Variants in HEMK2 observed in about 807,000 individuals in gnomAD.
The protein encoded by HEMK2 is methyltransferase HEMK2.
At chr21:28,642,795 T>A in the HEMK2 span, among the ~76,000 whole-genome samples, 1 of 152,320 alleles carries the variant, frequency 6.6e-6, no homozygotes, top group African/African-American at 2.4e-5. Context: ...GTTGCTTCTC[T>A]GCTCACTGCT....
the HEMK2 span, among the ~76,000 whole-genome samples, chr21:28,831,670 AGAAAGAAAGAAAGAAG>A: frequency 3.7e-4 from 21 of 56,600 alleles, no homozygotes; most frequent in East Asian, 5.3e-3. Context: ...AAAGAAAGAA[AGAAAGAAAGAAAGAAG>A]GAAGGAAGGA....
chr21:28,723,798 T>C, the HEMK2 span, among the ~76,000 whole-genome samples: 1 of 152,182 alleles, frequency 6.6e-6, no homozygotes. Flanking sequence ...TTTTTAAAAT[T>C]AGATGATAAT....
chr21:28,863,411 TA>T, the HEMK2 span, among the ~76,000 whole-genome samples: 9,998 of 18,536 alleles, frequency 0.54, 1,727 homozygotes, highest in East Asian at 0.7. Flanking sequence ...AACTCCCTTT[TA>T]TATATATATA....
the HEMK2 span, among the ~76,000 whole-genome samples, chr21:28,705,810 A>G: frequency 1.3e-5 from 2 of 152,122 alleles, no homozygotes. Context: ...GACTTTCCAC[A>G]TTCCATGACT....
the HEMK2 span, among the ~76,000 whole-genome samples, chr21:28,711,197 C>T: frequency 7.0e-3 from 1,061 of 152,238 alleles, 11 homozygotes; most frequent in African/African-American, 0.024. Context: ...TTTTCCTTTC[C>T]AAATACTATG....
At chr21:28,788,991 A>T in the HEMK2 span, among the ~76,000 whole-genome samples, 3 of 152,168 alleles carry the variant, frequency 2.0e-5, no homozygotes, top group African/African-American at 7.2e-5. Flanking sequence ...CTACAGAAAC[A>T]AGGAGAGAGG....
chr21:28,705,544 T>C, the HEMK2 span, among the ~76,000 whole-genome samples: 1 of 152,208 alleles, frequency 6.6e-6, no homozygotes, highest in Non-Finnish European at 1.5e-5. Context: ...GCCTACACAA[T>C]ACTGTACTTG....
chr21:28,843,154 C>T, the HEMK2 span, among the ~76,000 whole-genome samples: 2 of 152,060 alleles, frequency 1.3e-5, no homozygotes, highest in East Asian at 1.9e-4. Flanking sequence ...TTTCAACACG[C>T]GTTTTGTAAA....
the HEMK2 span, among the ~76,000 whole-genome samples, chr21:28,674,154 C>T: frequency 3.3e-5 from 5 of 152,214 alleles, no homozygotes; most frequent in Non-Finnish European, 5.9e-5. Flanking sequence ...CTCATTGCTA[C>T]ACTCCCATTA....
chr21:28,885,241 C>T, the HEMK2 span: 311 of 1,588,470 alleles, frequency 2.0e-4, no homozygotes, highest in Non-Finnish European at 2.5e-4. Context: ...CTGCCTCCAG[C>T]GCGTCCAAAA....
At chr21:28,843,092 T>A in the HEMK2 span, among the ~76,000 whole-genome samples, 1 of 152,108 alleles carries the variant, frequency 6.6e-6, no homozygotes, top group African/African-American at 2.4e-5. Context: ...ATTGGCTGAG[T>A]CTTCTCTTAC....
the HEMK2 span, among the ~76,000 whole-genome samples, chr21:28,606,290 T>TA: frequency 6.6e-6 from 1 of 152,190 alleles, no homozygotes; most frequent in Non-Finnish European, 1.5e-5. Flanking sequence ...GTTCTCTAAG[T>TA]TACCAAAATC....
chr21:28,736,715 A>G, the HEMK2 span, among the ~76,000 whole-genome samples: 4 of 151,890 alleles, frequency 2.6e-5, no homozygotes, highest in Non-Finnish European at 5.9e-5. Context: ...CTTTGAGTTG[A>G]TATCGTGTCA....
At chr21:28,773,880 G>T in the HEMK2 span, among the ~76,000 whole-genome samples, 1 of 152,038 alleles carries the variant, frequency 6.6e-6, no homozygotes, top group Admixed American at 6.6e-5. Context: ...TGCAATCTGT[G>T]GCTTGAATTC....
chr21:28,604,917 T>C, the HEMK2 span, among the ~76,000 whole-genome samples: 6 of 152,350 alleles, frequency 3.9e-5, no homozygotes, highest in East Asian at 1.2e-3. Context: ...ACAATTGTTC[T>C]TGGGCATGAA....
the HEMK2 span, among the ~76,000 whole-genome samples, chr21:28,627,114 T>C: frequency 1.3e-5 from 2 of 152,152 alleles, no homozygotes; most frequent in African/African-American, 2.4e-5. Context: ...TGACATTACA[T>C]TGAACAAAAG....
the HEMK2 span, among the ~76,000 whole-genome samples, chr21:28,612,927 A>T: frequency 6.6e-6 from 1 of 152,334 alleles, no homozygotes; most frequent in East Asian, 1.9e-4. Flanking sequence ...GATGAAAGAC[A>T]TCATAGATGA....
chr21:28,796,076 T>G, the HEMK2 span, among the ~76,000 whole-genome samples: 1 of 152,210 alleles, frequency 6.6e-6, no homozygotes, highest in Non-Finnish European at 1.5e-5. Context: ...TATACAGATT[T>G]TCCTGCTCTT....
At chr21:28,866,558 G>A in the HEMK2 span, among the ~76,000 whole-genome samples, 1 of 152,148 alleles carries the variant, frequency 6.6e-6, no homozygotes, top group East Asian at 1.9e-4. Context: ...AGTTGTGATG[G>A]TGCACATCTG....
Sources: gnomAD v4.1 joint callset for allele counts (sites outside exome capture counted in the v4.1 genomes callset) on GRCh38, gnomAD v4.1.1 for gene constraint, MANE v1.5 for transcripts, NCBI Gene and HGNC (gene_info 2026-07-23, HGNC 2026-07-21) for gene names.